ADGB: variants seen among roughly 807,000 people sequenced by gnomAD.
The protein encoded by ADGB is calpain-7-like protein.
In ADGB, 172 loss-of-function variants were observed where a neutral mutation model predicts 210.5. The ratio of observed to expected loss-of-function variants is 0.82; its 90% CI spans 0.72 to 0.93. The LOEUF is 0.93. ADGB is among the 40% of genes least tolerant of loss of function. The pLI is 0.00. For synonymous variants in ADGB, 658 were observed against 662.7 expected (o/e 0.99, Z 0.11); for missense variants, 2,025 against 1,964.8 (o/e 1.03, Z -0.58).
chr6:146,643,238 T>A (rs1342989765), intron 2 of ADGB, among the ~76,000 whole-genome samples: 2 of 151,866 alleles, frequency 1.3e-5, no homozygotes, highest in Admixed American at 6.6e-5. Flanking sequence ...ATAAACTACA[T>A]CTTCCAGATA....
Position 146,691,294 on chromosome 6 carries a change from T to C in ADGB, c.1486+4T>C, listed in dbSNP as rs1776303881. On this transcript the variant is annotated splice_donor_region_variant and intron_variant, in intron 11 of 35. Coordinates refer to ENST00000397944, the MANE Select transcript of ADGB (RefSeq NM_024694.4). ...GTTATAACAGATGAAGCTCAAGGTATGTATCACATCATCTTCAAATCCTTC... is the reference window on the plus strand; with the variant it reads ...GTTATAACAGATGAAGCTCAAGGTACGTATCACATCATCTTCAAATCCTTC... The C allele has an allele frequency of 6.5e-7, 1 of 1,535,390 alleles. No homozygotes were observed. Among genetic ancestry groups the C allele is most frequent in the African/African-American group, 1.4e-5 (1 of 70,622 alleles).
intron 35 of ADGB, chr6:146,807,455 A>G (rs1778229708): frequency 1.3e-6 from 2 of 1,551,748 alleles, no homozygotes; most frequent in South Asian, 2.4e-5. Flanking sequence ...AAGAGTACAG[A>G]AACAAATTGC....
At chr6:146,804,095 T>C (rs1778174605) in intron 35 of ADGB, among the ~76,000 whole-genome samples, 1 of 152,162 alleles carries the variant, frequency 6.6e-6, no homozygotes, top group African/African-American at 2.4e-5. Context: ...GAAGAATAGG[T>C]GTCCTTTAAT....
intron 2 of ADGB, among the ~76,000 whole-genome samples, chr6:146,637,347 C>T (rs549508769): frequency 6.6e-6 from 1 of 152,032 alleles, no homozygotes; most frequent in East Asian, 1.9e-4. Context: ...AACCAAAACC[C>T]CAGGGCTAAT....
chr6:146,766,754 A>C (rs1777582451), intron 28 of ADGB, among the ~76,000 whole-genome samples: 1 of 152,138 alleles, frequency 6.6e-6, no homozygotes, highest in Non-Finnish European at 1.5e-5. Flanking sequence ...AATTAATGTA[A>C]TCCTGATTTC....
chr6:146,798,600 CATCA>C (rs1038320686), intron 33 of ADGB, among the ~76,000 whole-genome samples: 10 of 151,522 alleles, frequency 6.6e-5, no homozygotes, highest in African/African-American at 2.2e-4. Flanking sequence ...AAATAAAACA[CATCA>C]ATCTTAGAAA....
intron 1 of ADGB, among the ~76,000 whole-genome samples, chr6:146,600,001 G>A (rs1780529444): frequency 6.6e-6 from 1 of 151,956 alleles, no homozygotes; most frequent in Admixed American, 6.6e-5. Context: ...TTCCTTCCCT[G>A]GCTGAAGAAT....
intron 13 of ADGB, among the ~76,000 whole-genome samples, chr6:146,711,408 G>A (rs1321922277): frequency 6.6e-6 from 1 of 151,124 alleles, no homozygotes; most frequent in Non-Finnish European, 1.5e-5. Context: ...TCTTGCTTCA[G>A]TGCAAACTGA....
At chr6:146,666,751 T>C (rs1296306340) in intron 6 of ADGB, 65 bp from the exon 7 acceptor site, 16 of 961,340 alleles carry the variant, frequency 1.7e-5, no homozygotes, top group Non-Finnish European at 7.9e-6. Flanking sequence ...TGATTCCTAG[T>C]TCTTATATAT....
At chr6:146,755,028 GTTT>G (rs1777386361) in intron 27 of ADGB, among the ~76,000 whole-genome samples, 1 of 151,812 alleles carries the variant, frequency 6.6e-6, no homozygotes, top group African/African-American at 2.4e-5. Context: ...AATATGTTTA[GTTT>G]TACATATGTA....
rs1269057121 is a variant in ADGB at position 146,788,505 on chromosome 6, A to C, written c.4432A>C (p.Thr1478Pro). The change falls in exon 33 of 36, where the codon ACC (threonine) becomes CCC (proline). Residue 1478 changes from threonine to proline, a missense_variant. Coordinates refer to ENST00000397944, the MANE Select transcript of ADGB (RefSeq NM_024694.4). Reference protein sequence around the residue: ...GSAVWKKWQLTKGLRDVAKST... With the variant: ...GSAVWKKWQLPKGLRDVAKST... ...TGCGGTGTGGAAGAAGTGGCAATTG[A>C]CCAAAGGCTTGAGGGATGTGGCAAA... 1 of 1,551,648 alleles carries C rather than the reference A, an allele frequency of 6.4e-7. No homozygotes were observed. The highest frequency in any genetic ancestry group is 2.0e-5 in the Admixed American group (1 of 50,996).
At chr6:146,660,608 G>A (rs1195914804) in intron 5 of ADGB, among the ~76,000 whole-genome samples, 1 of 152,042 alleles carries the variant, frequency 6.6e-6, no homozygotes, top group South Asian at 2.1e-4. Flanking sequence ...CATTGTGTGA[G>A]ATATGTAAAT....
At chr6:146,618,174 G>C (rs1780832117) in intron 1 of ADGB, among the ~76,000 whole-genome samples, 1 of 151,640 alleles carries the variant, frequency 6.6e-6, no homozygotes, top group Admixed American at 6.6e-5. Flanking sequence ...TTGGTTTACA[G>C]TTGTTCATAA....
intron 1 of ADGB, among the ~76,000 whole-genome samples, chr6:146,601,305 A>C (rs1780553544): frequency 6.6e-6 from 1 of 152,224 alleles, no homozygotes; most frequent in African/African-American, 2.4e-5. Context: ...GTATGCATAC[A>C]TTTATGAAAA....
rs116943439 is a variant in ADGB at position 146,661,247 on chromosome 6, G to A, written c.613-2954G>A. ...TTTTTTTTTTTTTTTTGGAGATAGG[G>A]TCTGACTCTGTCGCTCAGGCTGGAG... On this transcript the variant is annotated intron_variant, in intron 5 of 35. Transcript: ENST00000397944. Among the ~76,000 whole-genome samples, 281 of 130,566 alleles carry A rather than the reference G, an allele frequency of 2.2e-3. 6 individuals carry two copies. The East Asian group carries it at 0.033, about 15-fold the overall frequency. The allele number at this position is 130,566 out of a possible 152,430, so 85.7% of individuals were successfully genotyped here.
At chr6:146,605,653 G>T (rs1184305540) in intron 1 of ADGB, among the ~76,000 whole-genome samples, 1 of 152,120 alleles carries the variant, frequency 6.6e-6, no homozygotes, top group Non-Finnish European at 1.5e-5. Context: ...GAGGGAAAAG[G>T]CCCTGTCATA....
intron 4 of ADGB, among the ~76,000 whole-genome samples, chr6:146,655,608 T>G: frequency 6.6e-6 from 1 of 152,218 alleles, no homozygotes. Context: ...TTGACCCATA[T>G]TAAAATCAAA....
intron 19 of ADGB, among the ~76,000 whole-genome samples, chr6:146,727,384 C>T (rs139521973): frequency 6.6e-6 from 1 of 152,228 alleles, no homozygotes; most frequent in African/African-American, 2.4e-5. Flanking sequence ...CTCTCTTGCT[C>T]AACAGCCACA....
chr6:146,761,619 G>C (rs1289010589), intron 27 of ADGB, among the ~76,000 whole-genome samples: 1 of 152,048 alleles, frequency 6.6e-6, no homozygotes, highest in Non-Finnish European at 1.5e-5. Context: ...TTTATATTGT[G>C]AGTCAGCAGA....
Sources: gnomAD v4.1 joint callset for allele counts (sites outside exome capture counted in the v4.1 genomes callset) on GRCh38, gnomAD v4.1.1 for gene constraint, MANE v1.5 for transcripts, NCBI Gene and HGNC (gene_info 2026-07-23, HGNC 2026-07-21) for gene names.